Variants in PGS1 observed in about 807,000 individuals in gnomAD.
The protein encoded by PGS1 is phosphatidylglycerophosphate synthase 1.
In PGS1, 44 loss-of-function variants were observed where a neutral mutation model predicts 58.3. That is an observed-to-expected ratio of 0.75 (90% confidence interval 0.59 to 0.97). The LOEUF is 0.97. PGS1 is among the 50% of genes least tolerant of loss of function. The probability of loss-of-function intolerance (pLI) is 0.00; values close to 1 mark genes in which losing one functional copy is unlikely to be tolerated. For synonymous variants in PGS1, 330 were observed against 311.0 expected, an observed-to-expected ratio of 1.06 and a Z score of -0.64; for missense variants, 684 against 731.1, an observed-to-expected ratio of 0.94 and a Z score of 0.74.
At chr17:78,423,615 G>C (rs1282597799) in intron 9 of PGS1, 22 of 387,122 alleles carry the variant, frequency 5.7e-5, no homozygotes, top group Non-Finnish European at 1.0e-4. Context: ...GCTTGCCTCT[G>C]GCTGCTGGGA....
intron 7 of PGS1, among the ~76,000 whole-genome samples, chr17:78,408,039 C>T (rs958774752): frequency 1.3e-5 from 2 of 152,176 alleles, no homozygotes; most frequent in Non-Finnish European, 2.9e-5. Context: ...AACCATTTGC[C>T]GATCGTTCAA....
chr17:78,401,274 G>A (rs1351769043), intron 6 of PGS1, among the ~76,000 whole-genome samples: 2 of 152,170 alleles, frequency 1.3e-5, no homozygotes, highest in East Asian at 1.9e-4. Flanking sequence ...GTGCCTGGGC[G>A]AGTGACCCAG....
chr17:78,419,653 G>A lies in PGS1; in HGVS notation c.1659G>A (p.Lys553=). Residue 553 remains lysine, a synonymous_variant, in exon 9 of 10, where the codon AAG becomes AAA. Transcript: ENST00000262764. Reference sequence around the variant, plus strand: ...TGAAGATGGTGACTCCACTGATCAAGAACTTCTTCTGAGGACAGACAGGTG... The same window carrying A: ...TGAAGATGGTGACTCCACTGATCAAAAACTTCTTCTGAGGACAGACAGGTG... ...LWVKMVTPLI[K]NFF is the part of the protein sequence containing the mutation. 6.2e-7 allele frequency: 1 copy of A among 1,614,032 alleles called. No individual in the cohort carries two copies. The highest frequency in any genetic ancestry group is 8.5e-7 in the Non-Finnish European group (1 of 1,179,950).
rs2085418140 is a variant in PGS1, at chr17:78,418,646, CTG to C, written c.1552-898_1552-897del. Among the ~76,000 whole-genome samples, 7 of 152,270 alleles carry C rather than the reference CTG, an allele frequency of 4.6e-5. No individual in the cohort carries two copies. In the South Asian group the frequency reaches 1.5e-3, roughly 32 times the overall value. Reference sequence around the variant, plus strand: ...TTGTTATAAATATTGTGATAAATATCTGTATATAAAAATCTTAGCGCATAGTG... The same window carrying C: ...TTGTTATAAATATTGTGATAAATATCTATATAAAAATCTTAGCGCATAGTG... On this transcript the variant is annotated intron_variant, in intron 8 of 9. Coordinates refer to ENST00000262764, the MANE Select transcript of PGS1 (RefSeq NM_024419.5).
intron 1 of PGS1, among the ~76,000 whole-genome samples, chr17:78,384,596 T>TA (rs2082251258): frequency 6.6e-6 from 1 of 152,152 alleles, no homozygotes; most frequent in Non-Finnish European, 1.5e-5. Context: ...GAATGTACCT[T>TA]ACGGTTAAAG....
chr17:78,388,690 C>T (rs555882962), intron 1 of PGS1, among the ~76,000 whole-genome samples: 4 of 151,954 alleles, frequency 2.6e-5, no homozygotes, highest in Admixed American at 2.6e-4. Flanking sequence ...CCTGAAACAC[C>T]CTCCCCTCTG....
At chr17:78,379,786 C>T (rs1458331865) in intron 1 of PGS1, among the ~76,000 whole-genome samples, 1 of 151,254 alleles carries the variant, frequency 6.6e-6, no homozygotes, top group African/African-American at 2.4e-5. Context: ...CCAAGATTGC[C>T]TCATTGCACT....
chr17:78,391,352 G>C (rs2082814897), intron 1 of PGS1, among the ~76,000 whole-genome samples: 1 of 151,988 alleles, frequency 6.6e-6, no homozygotes, highest in South Asian at 2.1e-4. Flanking sequence ...GGGTCTCGCT[G>C]TGCCACCCAG....
At chr17:78,408,601 T>C (rs1598350074) in intron 7 of PGS1, among the ~76,000 whole-genome samples, 1 of 152,010 alleles carries the variant, frequency 6.6e-6, no homozygotes, top group African/African-American at 2.4e-5. Flanking sequence ...GGGAGTGGGG[T>C]GGGGGCCTTG....
intron 3 of PGS1, 153 bp from the exon 4 acceptor site, chr17:78,398,099 T>C: frequency 4.1e-6 from 3 of 730,480 alleles, no homozygotes; most frequent in Non-Finnish European, 7.5e-6. Context: ...CTCAGACAGA[T>C]AGCTTTTGTG....
intron 6 of PGS1, among the ~76,000 whole-genome samples, chr17:78,402,953 C>T (rs1192047521): frequency 1.3e-5 from 2 of 152,196 alleles, no homozygotes; most frequent in Non-Finnish European, 2.9e-5. Flanking sequence ...GCACCCCATG[C>T]AGAGCCTGAG....
At chr17:78,421,647 C>T (rs529818018) in intron 9 of PGS1, 75 of 152,392 alleles carry the variant, frequency 4.9e-4, no homozygotes, top group African/African-American at 1.7e-3. Flanking sequence ...TGCAGGGGCA[C>T]TGGGTTTCTG....
In PGS1 at chr17:78,415,039, C is replaced by G; in HGVS notation, c.1551+12C>G. The G allele has an allele frequency of 6.2e-7, 1 of 1,609,920 alleles. No individual in the cohort carries two copies. The highest frequency in any genetic ancestry group is 8.5e-7 in the Non-Finnish European group (1 of 1,179,416). On this transcript the variant is annotated intron_variant, in intron 8 of 9. Transcript: ENST00000262764. ...AGCAGCTTCACCAGGTTGGTCGCAGCAAGTGGGATTTCCCAGGGCGCTGAG... is the reference window on the plus strand; with the variant it reads ...AGCAGCTTCACCAGGTTGGTCGCAGGAAGTGGGATTTCCCAGGGCGCTGAG...
At chr17:78,395,707 G>A (rs574335821) in intron 2 of PGS1, among the ~76,000 whole-genome samples, 6 of 152,320 alleles carry the variant, frequency 3.9e-5, no homozygotes, top group Admixed American at 1.3e-4. Flanking sequence ...TTCGTGCCCA[G>A]TATGGACATT....
chr17:78,392,571 T>A lies in PGS1; in HGVS notation c.239T>A (p.Phe80Tyr). 1 of 1,614,220 alleles carries A rather than the reference T, an allele frequency of 6.2e-7. No individual in the cohort carries two copies. Among genetic ancestry groups the A allele is most frequent in the Non-Finnish European group, 8.5e-7 (1 of 1,180,008 alleles). ...CTGTGTCCAGAAGGCGTGCACCGGT[T>A]CCAGTGGATCAGAAACCTGGTTCCA... ...CCLCPEGVHRFQWIRNLVPEF... is the reference protein window; with the variant it reads ...CCLCPEGVHRYQWIRNLVPEF... Residue 80 changes from phenylalanine (F) to tyrosine (Y), a missense_variant, in exon 2 of 10, where the codon TTC becomes TAC. Physicochemically the swap from Phe to Tyr is conservative, Grantham distance 22. Coordinates refer to ENST00000262764, the MANE Select transcript of PGS1 (RefSeq NM_024419.5).
In PGS1 at chr17:78,424,114, G is replaced by T; in HGVS notation, c.*64G>T. On this transcript the variant is annotated 3_prime_UTR_variant, in exon 10 of 10. Transcript: ENST00000262764. Reference sequence around the variant, plus strand: ...GGCCGGGGTCAGCTCTTTCAGCCGCGCTTCAGCGATGACTCCAGTCTGGGT... The same window carrying T: ...GGCCGGGGTCAGCTCTTTCAGCCGCTCTTCAGCGATGACTCCAGTCTGGGT... The T allele has an allele frequency of 6.2e-7, 1 of 1,613,604 alleles. No individual in the cohort carries two copies. The highest frequency in any genetic ancestry group is 8.5e-7 in the Non-Finnish European group (1 of 1,179,862).
At chr17:78,408,564 C>T (rs535754518) in intron 7 of PGS1, among the ~76,000 whole-genome samples, 4 of 152,180 alleles carry the variant, frequency 2.6e-5, no homozygotes, top group African/African-American at 4.8e-5. Flanking sequence ...GGCTGCTGCG[C>T]GTCCCTGAGC....
At chr17:78,421,689 G>A (rs915210268) in intron 9 of PGS1, 2 of 152,256 alleles carry the variant, frequency 1.3e-5, no homozygotes, top group African/African-American at 2.4e-5. Context: ...AACAGAGTTC[G>A]CATTCCTCCA....
At chr17:78,423,016 A>G (rs997546002) in intron 9 of PGS1, among the ~76,000 whole-genome samples, 2 of 151,250 alleles carry the variant, frequency 1.3e-5, no homozygotes, top group Admixed American at 6.6e-5. Context: ...GAATCGCTTG[A>G]GCCCAGGAGG....
Sources: allele counts gnomAD v4.1 joint callset (sites outside exome capture counted in the v4.1 genomes callset), GRCh38; gene constraint gnomAD v4.1.1; transcripts MANE v1.5; gene names NCBI Gene and HGNC (gene_info 2026-07-23, HGNC 2026-07-21).